VAMP8: variants seen among roughly 807,000 people sequenced by gnomAD.
VAMP8 encodes vesicle associated membrane protein 8.
In VAMP8, 9 loss-of-function variants were observed where a neutral mutation model predicts 11.4. The observed-to-expected ratio is 0.79, with a 90% CI of 0.48 to 1.38. The LOEUF is 1.38. Ranked by LOEUF, VAMP8 falls within the 40% of genes most tolerant of loss-of-function variation. The probability of loss-of-function intolerance (pLI) is 0.00; values close to 1 mark genes in which losing one functional copy is unlikely to be tolerated. For missense variants in VAMP8, 108 were observed against 127.8 expected (o/e 0.85, Z 0.75); for synonymous variants, 42 against 44.7 (o/e 0.94, Z 0.24).
rs1351629759 is a variant in VAMP8, at chr2:85,581,933, T to C, written c.*217T>C. ...GAGAGATGGACTGTGGCTGCATTTC[T>C]TGGGTCCTTAGAGTGGGCTGGAGAG... On this transcript the variant is annotated 3_prime_UTR_variant, in exon 3 of 3. Transcript: ENST00000263864. 2 of 625,548 alleles carry C rather than the reference T, an allele frequency of 3.2e-6. No homozygotes were observed. Among genetic ancestry groups the C allele is most frequent in the East Asian group, 5.9e-5 (2 of 33,892 alleles). The allele number at this position is 625,548 out of a possible 1,614,324, so 38.7% of individuals were successfully genotyped here.
chr2:85,581,502 T>C, intron 2 of VAMP8, 74 bp from the exon 3 acceptor site: 2 of 1,551,456 alleles, frequency 1.3e-6, no homozygotes, highest in South Asian at 1.2e-5. Context: ...GCCTGTGGGC[T>C]GCACTTGTAC....
intron 2 of VAMP8, 79 bp from the exon 3 acceptor site, chr2:85,581,497 T>C: frequency 6.6e-7 from 1 of 1,520,278 alleles, no homozygotes. Flanking sequence ...GTATGGCCTG[T>C]GGGCTGCACT....
chr2:85,581,890 C>A lies in VAMP8; in HGVS notation c.*174C>A. 1.2e-6 allele frequency: 1 copy of A among 848,994 alleles called. No individual in the cohort carries two copies. The highest frequency in any genetic ancestry group is 1.8e-6 in the Non-Finnish European group (1 of 551,454). The allele number at this position is 848,994 out of a possible 1,614,324, so 52.6% of individuals were successfully genotyped here. On this transcript the variant is annotated 3_prime_UTR_variant, in exon 3 of 3. Coordinates refer to ENST00000263864, the MANE Select transcript of VAMP8 (RefSeq NM_003761.5). Reference sequence around the variant, plus strand: ...ATGCCCCAGAAGGTACCTTGGTCCCCCGGAAGGAGAGAAAAAAGAGAGATG... The same window carrying A: ...ATGCCCCAGAAGGTACCTTGGTCCCACGGAAGGAGAGAAAAAAGAGAGATG...
rs1430015756 is a variant in VAMP8 at position 85,579,172 on chromosome 2, G to A, written c.162+5G>A. On this transcript the variant is annotated splice_donor_5th_base_variant and intron_variant, in intron 2 of 2. Coordinates refer to ENST00000263864, the MANE Select transcript of VAMP8 (RefSeq NM_003761.5). Reference sequence around the variant, plus strand: ...ACAGAGGATCTGGAAGCCACAGTGAGACAGGGAGCCCACTGGGGGCTGGAG... The same window carrying A: ...ACAGAGGATCTGGAAGCCACAGTGAAACAGGGAGCCCACTGGGGGCTGGAG... The A allele has an allele frequency of 1.9e-6, 3 of 1,583,386 alleles. No homozygotes were observed. In the Admixed American group the frequency reaches 5.2e-5, roughly 28 times the overall value.
rs554019226 is a variant in VAMP8 at position 85,577,611 on chromosome 2, A to T, written c.-36A>T. 1 of 1,551,826 alleles carries T rather than the reference A, an allele frequency of 6.4e-7. No individual in the cohort carries two copies. Among genetic ancestry groups the T allele is most frequent in the African/African-American group, 1.4e-5 (1 of 73,004 alleles). On this transcript the variant is annotated 5_prime_UTR_variant, in exon 1 of 3. Coordinates refer to ENST00000263864, the MANE Select transcript of VAMP8 (RefSeq NM_003761.5). ...ACCCTGGGAGGAAGCCGACTAGGCG[A>T]ATTCACTTACTGACCGGCCTGGGCT...
chr2:85,580,496 G>A (rs1672358860), intron 2 of VAMP8, among the ~76,000 whole-genome samples: 2 of 151,978 alleles, frequency 1.3e-5, no homozygotes, highest in Admixed American at 1.3e-4. Flanking sequence ...ACCCTTGGGT[G>A]TAAGCAGGTG....
intron 2 of VAMP8, 36 bp downstream of exon 2, chr2:85,579,203 C>G (rs938517901): frequency 5.9e-6 from 9 of 1,527,464 alleles, no homozygotes; most frequent in Non-Finnish European, 7.1e-6. Context: ...TGGAGGAAAA[C>G]AGGGAGGGAG....
intron 2 of VAMP8, among the ~76,000 whole-genome samples, 183 bp downstream of exon 2, chr2:85,579,350 A>C (rs1001304016): frequency 6.6e-6 from 1 of 152,170 alleles, no homozygotes; most frequent in Non-Finnish European, 1.5e-5. Context: ...ATTGTTATGG[A>C]TCCCAGGGAA....
intron 2 of VAMP8, chr2:85,579,738 C>G: frequency 6.4e-7 from 1 of 1,550,662 alleles, no homozygotes; most frequent in Non-Finnish European, 8.7e-7. Context: ...TTCTCTCTCT[C>G]CAGCCAGGGG....
rs528532995 is a variant in VAMP8, at chr2:85,579,793, A to G, written c.162+626A>G. 6 of 1,550,558 alleles carry G rather than the reference A, an allele frequency of 3.9e-6. No individual in the cohort carries two copies. In the Admixed American group the frequency reaches 7.8e-5, roughly 20 times the overall value. On this transcript the variant is annotated intron_variant, in intron 2 of 2. Coordinates refer to ENST00000263864, the MANE Select transcript of VAMP8 (RefSeq NM_003761.5). ...GGAGGAAGTAACTCCAAAGTTGAGC[A>G]AAGTCTGGAGCCTCAAGTTCTGTGT...
At position 85,579,696 on chromosome 2, in the gene VAMP8, A is replaced by C. The variant is rs757276415; in HGVS notation, c.162+529A>C. On this transcript the variant is annotated intron_variant, in intron 2 of 2. Transcript: ENST00000263864. ...CCCCTGCTAGATGAAGGCTAAAATAATATCTCCCACACATCTTGCTAGACC... is the reference window on the plus strand; with the variant it reads ...CCCCTGCTAGATGAAGGCTAAAATACTATCTCCCACACATCTTGCTAGACC... 2.6e-6 allele frequency: 4 copies of C among 1,538,954 alleles called. No individual in the cohort carries two copies. In the South Asian group the frequency reaches 4.8e-5, roughly 19 times the overall value.
intron 1 of VAMP8, among the ~76,000 whole-genome samples, chr2:85,578,416 G>A (rs1017431736): frequency 1.3e-5 from 2 of 152,234 alleles, no homozygotes; most frequent in Admixed American, 6.5e-5. Context: ...GGTGGGGAAA[G>A]CAGAAGTGTG....
Position 85,579,041 on chromosome 2 carries a change from T to C in VAMP8, c.36T>C (p.Arg12=). ...EEASEGGGND[R]VRNLQSEVEG... ...CCAGTGAAGGTGGAGGAAATGATCG[T>C]GTGCGGAACCTGCAAAGTGAGGTGG... Residue 12 remains arginine (R), a synonymous_variant, in exon 2 of 3, where the codon CGT becomes CGC. Coordinates refer to ENST00000263864, the MANE Select transcript of VAMP8 (RefSeq NM_003761.5). 3 of 1,607,652 alleles carry C rather than the reference T, an allele frequency of 1.9e-6. No individual in the cohort carries two copies. Among genetic ancestry groups the C allele is most frequent in the Non-Finnish European group, 2.5e-6 (3 of 1,176,568 alleles).
intron 2 of VAMP8, among the ~76,000 whole-genome samples, chr2:85,579,419 C>T (rs997773435): frequency 4.6e-5 from 7 of 152,166 alleles, no homozygotes; most frequent in Non-Finnish European, 1.0e-4. Flanking sequence ...GTTCTGAGAC[C>T]GAAAGCTCAG....
At chr2:85,579,195 G>A in intron 2 of VAMP8, 28 bp downstream of exon 2, 1 of 1,544,664 alleles carries the variant, frequency 6.5e-7, no homozygotes, top group South Asian at 1.2e-5. Flanking sequence ...CTGGGGGCTG[G>A]AGGAAAACAG....
rs1010 is a variant in VAMP8 at position 85,581,859 on chromosome 2, T to C, written c.*143T>C. On this transcript the variant is annotated 3_prime_UTR_variant, in exon 3 of 3. Coordinates refer to ENST00000263864, the MANE Select transcript of VAMP8 (RefSeq NM_003761.5). ...CCCTCTTCCCGAGGCCCTGCTGCCA[T>C]GTTGTATGCCCCAGAAGGTACCTTG... 463,804 of 1,133,830 alleles carry C rather than the reference T, an allele frequency of 0.41. 95,968 individuals are homozygous for C. The highest frequency in any genetic ancestry group is 0.56 in the African/African-American group (35,708 of 63,986). The allele number at this position is 1,133,830 out of a possible 1,614,324, so 70.2% of individuals were successfully genotyped here. A position where few individuals can be genotyped will look rare whatever the true frequency, so the allele number is the denominator to read the frequency against.
Position 85,581,748 on chromosome 2 carries a change from C to T in VAMP8, c.*32C>T, listed in dbSNP as rs1058588. ...GGGAACCTCTCCCACCTGCCCTTCTCTTCAGGGACAACCCTCCATAAATGT... is the reference window on the plus strand; with the variant it reads ...GGGAACCTCTCCCACCTGCCCTTCTTTTCAGGGACAACCCTCCATAAATGT... On this transcript the variant is annotated 3_prime_UTR_variant, in exon 3 of 3. Transcript: ENST00000263864. 671,155 of 1,612,360 alleles carry T rather than the reference C, an allele frequency of 0.42. 140,627 individuals carry two copies. Among genetic ancestry groups the T allele is most frequent in the African/African-American group, 0.48 (35,645 of 74,856 alleles).
Position 85,581,765 on chromosome 2 carries a change from C to T in VAMP8, c.*49C>T, listed in dbSNP as rs1045962196. The T allele has an allele frequency of 3.1e-6, 5 of 1,609,246 alleles. No homozygotes were observed. Among genetic ancestry groups the T allele is most frequent in the Non-Finnish European group, 4.2e-6 (5 of 1,176,958 alleles). ...GCCCTTCTCTTCAGGGACAACCCTC[C>T]ATAAATGTGTGCCAAGAGGGTCTCC... On this transcript the variant is annotated 3_prime_UTR_variant, in exon 3 of 3. Transcript: ENST00000263864.
intron 2 of VAMP8, among the ~76,000 whole-genome samples, chr2:85,580,153 T>C (rs959688557): frequency 6.6e-6 from 1 of 152,148 alleles, no homozygotes; most frequent in Non-Finnish European, 1.5e-5. Flanking sequence ...AGTTTTGCCT[T>C]GTTGGCCAGG....
Sources: gnomAD v4.1 joint callset for allele counts (sites outside exome capture counted in the v4.1 genomes callset) on GRCh38, gnomAD v4.1.1 for gene constraint, MANE v1.5 for transcripts, NCBI Gene and HGNC (gene_info 2026-07-23, HGNC 2026-07-21) for gene names.